THADA: variants seen among roughly 807,000 people sequenced by gnomAD.
THADA encodes tRNA (32-2'-O)-methyltransferase regulator THADA.
In THADA, 213 loss-of-function variants were observed where a neutral mutation model predicts 219.8. The observed-to-expected ratio is 0.97, with a 90% CI of 0.87 to 1.09. THADA has a LOEUF of 1.09. THADA is among the 50% of genes least tolerant of loss of function. The pLI, the probability that THADA is intolerant of heterozygous loss-of-function variation, is 0.00. For missense variants in THADA, 2,956 were observed against 2,311.3 expected (o/e 1.28, Z -5.72); for synonymous variants, 1,018 against 828.9 (o/e 1.23, Z -3.92).
At chr2:43,287,509 C>CA (rs1035857675) in intron 34 of THADA, among the ~76,000 whole-genome samples, 8 of 152,182 alleles carry the variant, frequency 5.3e-5, no homozygotes, top group African/African-American at 1.9e-4. Context: ...GTTGGTCAGG[C>CA]TGGTCTCAAA....
intron 36 of THADA, among the ~76,000 whole-genome samples, chr2:43,278,997 A>C (rs1673038962): frequency 6.6e-6 from 1 of 152,158 alleles, no homozygotes; most frequent in African/African-American, 2.4e-5. Flanking sequence ...AAGCACAGAG[A>C]ATCCGAGTCT....
intron 24 of THADA, 125 bp downstream of exon 24, chr2:43,505,497 T>G: frequency 2.5e-5 from 14 of 568,304 alleles, no homozygotes; most frequent in East Asian, 6.4e-5. Flanking sequence ...AAGGTTGCAG[T>G]GAGCTGAGAT....
At chr2:43,505,542 G>C in intron 24 of THADA, 80 bp downstream of exon 24, 1 of 1,072,076 alleles carries the variant, frequency 9.3e-7, no homozygotes, top group Middle Eastern at 2.0e-4. Flanking sequence ...TAACAAGACG[G>C]TAACAGCCGT....
intron 23 of THADA, among the ~76,000 whole-genome samples, chr2:43,508,399 C>A (rs184278674): frequency 1.9e-3 from 288 of 152,188 alleles, no homozygotes; most frequent in African/African-American, 6.6e-3. Context: ...ACTTAATACA[C>A]AGACAGAAAT....
chr2:43,329,119 T>C lies in THADA; in HGVS notation c.4344-8579A>G, dbSNP rs561210743. Among the ~76,000 whole-genome samples, 177 of 152,334 alleles carry C rather than the reference T, an allele frequency of 1.2e-3. 1 individual carries two copies. The highest frequency in any genetic ancestry group is 3.9e-3 in the African/African-American group (164 of 41,578). ...TACGAGAGATGCGTGTTTCCCTCCC[T>C]CTGTGACTTGTTTAAAAGTAAAGTT... is the stretch of plus-strand genomic sequence containing the variant. On this transcript the variant is annotated intron_variant, in intron 30 of 37. Coordinates refer to ENST00000405975, the MANE Select transcript of THADA (RefSeq NM_022065.5).
chr2:43,557,170 C>T (rs1469700949), intron 16 of THADA, among the ~76,000 whole-genome samples: 3 of 152,160 alleles, frequency 2.0e-5, no homozygotes, highest in Admixed American at 2.0e-4. Flanking sequence ...TCCTCTCTCC[C>T]TGAATATAGG....
At chr2:43,470,054 C>T (rs1359074850) in intron 26 of THADA, among the ~76,000 whole-genome samples, 1 of 151,548 alleles carries the variant, frequency 6.6e-6, no homozygotes, top group African/African-American at 2.4e-5. Flanking sequence ...CTAAAAATAA[C>T]ACAAAAATTA....
chr2:43,420,438 G>A (rs980980542), intron 28 of THADA, among the ~76,000 whole-genome samples: 1 of 152,210 alleles, frequency 6.6e-6, no homozygotes, highest in African/African-American at 2.4e-5. Context: ...TAACTGATTA[G>A]ATTCTAACTT....
intron 36 of THADA, among the ~76,000 whole-genome samples, chr2:43,257,505 T>C (rs185874592): frequency 5.5e-4 from 84 of 152,350 alleles, no homozygotes; most frequent in African/African-American, 1.9e-3. Flanking sequence ...CTCTCTTGAA[T>C]AGGTCAACCT....
rs768278143 is a variant in THADA, at chr2:43,590,976, T to A, written c.172-22A>T. On this transcript the variant is annotated intron_variant, in intron 3 of 37. Coordinates refer to ENST00000405975, the MANE Select transcript of THADA (RefSeq NM_022065.5). The stretch of plus-strand genomic sequence containing the variant: ...CAATCTATAATACAAAACATTGAAG[T>A]AATTTTTATAATATCAAATATAGCA... 5 of 1,594,922 alleles carry A rather than the reference T, an allele frequency of 3.1e-6. No individual in the cohort carries two copies. In the South Asian group the frequency reaches 5.6e-5, roughly 18 times the overall value.
chr2:43,432,843 A>G (rs2104830748), intron 26 of THADA, among the ~76,000 whole-genome samples: 1 of 152,104 alleles, frequency 6.6e-6, no homozygotes, highest in African/African-American at 2.4e-5. Flanking sequence ...TCTCTTCAAG[A>G]TTTTTGCTCA....
intron 29 of THADA, among the ~76,000 whole-genome samples, chr2:43,348,418 A>G (rs1473024451): frequency 1.3e-5 from 2 of 152,214 alleles, no homozygotes; most frequent in East Asian, 3.9e-4. Context: ...GAGAATCAAG[A>G]AAAAAATAAA....
intron 30 of THADA, among the ~76,000 whole-genome samples, chr2:43,324,460 G>C (rs1020534675): frequency 6.6e-6 from 1 of 152,116 alleles, no homozygotes; most frequent in Admixed American, 6.5e-5. Flanking sequence ...GGCCACAAAG[G>C]AGTCCATCCA....
At chr2:43,573,020 C>A (rs371411775) in intron 11 of THADA, 28 bp from the exon 12 acceptor site, 17 of 1,580,738 alleles carry the variant, frequency 1.1e-5, no homozygotes, top group Non-Finnish European at 9.5e-6. Context: ...AAGACCATTA[C>A]TGTATTATGC....
At chr2:43,242,524 C>G (rs868697155) in intron 36 of THADA, among the ~76,000 whole-genome samples, 1 of 152,136 alleles carries the variant, frequency 6.6e-6, no homozygotes, top group South Asian at 2.1e-4. Context: ...CAAGGTCTGG[C>G]TCTGCCACCC....
At chr2:43,515,099 A>G (rs1179133456) in intron 22 of THADA, among the ~76,000 whole-genome samples, 1 of 38,074 alleles carries the variant, frequency 2.6e-5, no homozygotes, top group East Asian at 1.5e-3. Context: ...TATATATTAT[A>G]TATAATATAT....
intron 24 of THADA, among the ~76,000 whole-genome samples, chr2:43,502,471 G>C (rs768868098): frequency 1.3e-5 from 2 of 151,422 alleles, no homozygotes; most frequent in Admixed American, 6.6e-5. Flanking sequence ...TATAATGCCA[G>C]TTACTCAGGA....
intron 31 of THADA, among the ~76,000 whole-genome samples, chr2:43,317,262 T>G (rs1436300850): frequency 1.3e-5 from 2 of 152,182 alleles, no homozygotes; most frequent in Non-Finnish European, 2.9e-5. Context: ...ATTCAGAAAA[T>G]GAATTCACAT....
At chr2:43,484,680 T>G (rs1401554800) in intron 26 of THADA, among the ~76,000 whole-genome samples, 1 of 152,090 alleles carries the variant, frequency 6.6e-6, no homozygotes, top group East Asian at 1.9e-4. Context: ...AAAGCTGTTT[T>G]TTAAAGACAA....
Sources: allele counts gnomAD v4.1 joint callset (sites outside exome capture counted in the v4.1 genomes callset), GRCh38; gene constraint gnomAD v4.1.1; transcripts MANE v1.5; gene names NCBI Gene and HGNC (gene_info 2026-07-23, HGNC 2026-07-21).